The following IFT57 variants were observed in gnomAD, a reference collection of about 807,000 sequenced individuals.
IFT57 encodes intraflagellar transport 57.
In IFT57, 59 loss-of-function variants were observed where a neutral mutation model predicts 56.8. That is an observed-to-expected ratio of 1.04 (90% CI 0.84 to 1.29). The LOEUF is 1.29. Among genes scored for constraint, IFT57 ranks in the 50% most tolerant of loss-of-function variants. IFT57 has a pLI of 0.00. For synonymous variants in IFT57, 209 were observed against 186.1 expected (o/e 1.12, Z -1.00); for missense variants, 470 against 522.1 (o/e 0.90, Z 0.97).
At chr3:108,186,372 T>C (rs893058841) in intron 6 of IFT57, among the ~76,000 whole-genome samples, 3 of 150,524 alleles carry the variant, frequency 2.0e-5, no homozygotes, top group Non-Finnish European at 4.4e-5. Context: ...AATATGGATT[T>C]TGGAGAAATT....
chr3:108,192,268 G>A (rs529812237), intron 5 of IFT57, among the ~76,000 whole-genome samples: 1 of 148,716 alleles, frequency 6.7e-6, no homozygotes, highest in Non-Finnish European at 1.5e-5. Flanking sequence ...AAAAATTCCA[G>A]AAGCAAAGAA....
intron 7 of IFT57, among the ~76,000 whole-genome samples, chr3:108,167,346 G>A (rs1577046501): frequency 6.6e-6 from 1 of 151,874 alleles, no homozygotes; most frequent in Non-Finnish European, 1.5e-5. Flanking sequence ...GTTGGAAATA[G>A]ATCCCTAAGC....
intron 6 of IFT57, among the ~76,000 whole-genome samples, chr3:108,176,636 T>C (rs2080125357): frequency 6.6e-6 from 1 of 151,872 alleles, no homozygotes; most frequent in Admixed American, 6.6e-5. Flanking sequence ...TAAAATAACC[T>C]TACTAGAACC....
chr3:108,187,521 G>A (rs1328442731), intron 6 of IFT57, among the ~76,000 whole-genome samples: 1 of 151,824 alleles, frequency 6.6e-6, no homozygotes, highest in Non-Finnish European at 1.5e-5. Context: ...AGACTGCTCT[G>A]CCTATGGAGT....
At chr3:108,169,676 A>T (rs13083896) in intron 6 of IFT57, among the ~76,000 whole-genome samples, 13,702 of 152,010 alleles carry the variant, frequency 0.09, 686 homozygotes, top group Middle Eastern at 0.12. Flanking sequence ...GGTGTAAGGA[A>T]GGGGTACAGT....
chr3:108,189,523 T>G (rs2080203507), intron 6 of IFT57, among the ~76,000 whole-genome samples: 1 of 152,182 alleles, frequency 6.6e-6, no homozygotes, highest in African/African-American at 2.4e-5. Flanking sequence ...GATAAGCTTA[T>G]CTAGAACCTC....
chr3:108,191,766 G>GC, intron 5 of IFT57, 123 bp from the exon 6 acceptor site: 1 of 519,614 alleles, frequency 1.9e-6, no homozygotes, highest in Non-Finnish European at 3.1e-6. Context: ...TATAGTGGAA[G>GC]AAGAAATTAT....
chr3:108,205,907 T>C (rs1165983068), intron 5 of IFT57, among the ~76,000 whole-genome samples: 1 of 130,292 alleles, frequency 7.7e-6, no homozygotes, highest in East Asian at 2.2e-4. Flanking sequence ...CATAATTATA[T>C]ATTAATATAT....
intron 6 of IFT57, among the ~76,000 whole-genome samples, chr3:108,189,805 A>C (rs555815795): frequency 2.6e-5 from 4 of 152,316 alleles, no homozygotes; most frequent in Admixed American, 6.5e-5. Context: ...ACTAGAAATG[A>C]TACTGATAAT....
Position 108,221,958 on chromosome 3 carries a change from G to A in IFT57, c.212+153C>T. The A allele has an allele frequency of 2.1e-6, 3 of 1,426,678 alleles. No individual in the cohort carries two copies. The South Asian group carries it at 4.3e-5, about 21-fold the overall frequency. The allele number at this position is 1,426,678 out of a possible 1,614,324, so 88.4% of individuals were successfully genotyped here. A position where few individuals can be genotyped will look rare whatever the true frequency, so the allele number is the denominator to read the frequency against. ...GCTGCGTGAGCTCCACGGACCTCCC[G>A]GGAGTTTGGGGTGAAGTGCCCTTCC... On this transcript the variant is annotated intron_variant, in intron 1 of 10. Transcript: ENST00000264538.
intron 10 of IFT57, among the ~76,000 whole-genome samples, chr3:108,163,368 A>G (rs977278265): frequency 1.3e-5 from 2 of 152,134 alleles, no homozygotes; most frequent in Admixed American, 1.3e-4. Flanking sequence ...AAAACAGAAC[A>G]CAATATTATT....
intron 6 of IFT57, among the ~76,000 whole-genome samples, chr3:108,168,654 C>T (rs2080075685): frequency 6.6e-6 from 1 of 151,948 alleles, no homozygotes; most frequent in South Asian, 2.1e-4. Context: ...CATCCCCCAT[C>T]CCCCAACAGG....
chr3:108,179,075 G>A (rs781000269), intron 6 of IFT57, among the ~76,000 whole-genome samples: 12 of 151,878 alleles, frequency 7.9e-5, no homozygotes, highest in East Asian at 1.9e-4. Flanking sequence ...AGGCAAATCC[G>A]CCACTGAAAG....
chr3:108,190,714 G>T (rs2080210811), intron 6 of IFT57, among the ~76,000 whole-genome samples: 1 of 152,212 alleles, frequency 6.6e-6, no homozygotes, highest in Admixed American at 6.5e-5. Flanking sequence ...AAAGGAAGTA[G>T]AAACTTGATA....
chr3:108,186,445 CA>C (rs1256215742), intron 6 of IFT57, among the ~76,000 whole-genome samples: 1 of 151,916 alleles, frequency 6.6e-6, no homozygotes, highest in Non-Finnish European at 1.5e-5. Flanking sequence ...TAAGTGCTTC[CA>C]AACCATGCCA....
chr3:108,218,432 G>T, intron 3 of IFT57, 103 bp downstream of exon 3: 1 of 510,538 alleles, frequency 2.0e-6, no homozygotes, highest in South Asian at 5.0e-5. Flanking sequence ...ATTTAGAATA[G>T]TCAAAAAGAA....
At chr3:108,183,069 G>T (rs1376095322) in intron 6 of IFT57, among the ~76,000 whole-genome samples, 2 of 151,936 alleles carry the variant, frequency 1.3e-5, no homozygotes, top group African/African-American at 4.8e-5. Context: ...GAAGAAAAGG[G>T]CCTAAGTAGG....
At chr3:108,179,304 T>A (rs1221196651) in intron 6 of IFT57, among the ~76,000 whole-genome samples, 1 of 151,946 alleles carries the variant, frequency 6.6e-6, no homozygotes, top group Non-Finnish European at 1.5e-5. Flanking sequence ...AAAACTCATC[T>A]AGGGTCAACA....
chr3:108,172,357 G>C (rs1218798494), intron 6 of IFT57, among the ~76,000 whole-genome samples: 2 of 151,852 alleles, frequency 1.3e-5, no homozygotes, highest in Non-Finnish European at 2.9e-5. Context: ...AGAAAATAAA[G>C]CTGGAGAGAG....
Sources: allele counts gnomAD v4.1 joint callset (sites outside exome capture counted in the v4.1 genomes callset), GRCh38; gene constraint gnomAD v4.1.1; transcripts MANE v1.5; gene names NCBI Gene and HGNC (gene_info 2026-07-23, HGNC 2026-07-21).